MAGI2: variants seen among roughly 807,000 people sequenced by gnomAD.
The protein encoded by MAGI2 is membrane associated guanylate kinase, WW and PDZ domain containing 2.
A neutral mutation model predicts 133.3 loss-of-function variants in MAGI2; 35 were observed. That is an observed-to-expected ratio of 0.26 (90% CI 0.20 to 0.35). The LOEUF is 0.35. Among genes scored for constraint, MAGI2 ranks in the 10% least tolerant of loss-of-function variants. The pLI is 1.00. For missense variants in MAGI2, 1,636 were observed against 1,863.4 expected (o/e 0.88, Z 2.25); for synonymous variants, 729 against 710.6 (o/e 1.03, Z -0.41).
At chr7:78,712,276 C>T (rs941837131) in intron 2 of MAGI2, among the ~76,000 whole-genome samples, 3 of 152,172 alleles carry the variant, frequency 2.0e-5, no homozygotes, top group African/African-American at 7.2e-5. Flanking sequence ...AAAGTTTGTT[C>T]TGTCTGACTC....
Position 78,345,888 on chromosome 7 carries a change from C to T in MAGI2, c.1225+34G>A, listed in dbSNP as rs1216989624. On this transcript the variant is annotated intron_variant, in intron 8 of 21. Coordinates refer to ENST00000354212, the MANE Select transcript of MAGI2 (RefSeq NM_012301.4). ...GCAGGCAGTTTGACAGACAATTTTCCCTTTGAAACATCACATGCTGACAGG... is the reference window on the plus strand; with the variant it reads ...GCAGGCAGTTTGACAGACAATTTTCTCTTTGAAACATCACATGCTGACAGG... The T allele has an allele frequency of 4.4e-6, 7 of 1,605,860 alleles. No individual in the cohort carries two copies. The South Asian group carries it at 4.5e-5, about 10-fold the overall frequency.
At chr7:79,052,618 T>A (rs1412711610) in intron 1 of MAGI2, among the ~76,000 whole-genome samples, 1 of 152,158 alleles carries the variant, frequency 6.6e-6, no homozygotes, top group Non-Finnish European at 1.5e-5. Flanking sequence ...AAAACTATGA[T>A]TCCGTGTGTT....
At position 78,135,040 on chromosome 7, in the gene MAGI2, A is replaced by G. The variant is rs754558316; in HGVS notation, c.3012T>C (p.Leu1004=). Residue 1004 remains leucine (L), a synonymous_variant, in exon 17 of 22, where the codon CTT becomes CTC. Coordinates refer to ENST00000354212, the MANE Select transcript of MAGI2 (RefSeq NM_012301.4). ...ACTCACCCTCCTGAGGAATGATGCG[A>G]AGGGTGACACTAAGACCTGCATCCT... The part of the protein sequence containing the change: ...LIKDAGLSVT[L]RIIPQEELNS... 1 of 1,614,070 alleles carries G rather than the reference A, an allele frequency of 6.2e-7. No individual in the cohort carries two copies. Among genetic ancestry groups the G allele is most frequent in the Non-Finnish European group, 8.5e-7 (1 of 1,179,996 alleles).
At chr7:79,432,799 T>C (rs547317754) in intron 1 of MAGI2, among the ~76,000 whole-genome samples, 1 of 152,290 alleles carries the variant, frequency 6.6e-6, no homozygotes, top group South Asian at 2.1e-4. Context: ...ATGATAAAGG[T>C]GGAGTGTCTT....
At chr7:79,018,352 G>A (rs183680675) in intron 1 of MAGI2, among the ~76,000 whole-genome samples, 110 of 152,258 alleles carry the variant, frequency 7.2e-4, no homozygotes, top group African/African-American at 2.4e-3. Context: ...AACGCTAAGG[G>A]AATTCATTAC....
rs1412574896 is a variant in MAGI2, at chr7:79,204,296, TGGGTC to T, written c.302-197095_302-197091del. On this transcript the variant is annotated intron_variant, in intron 1 of 21. Transcript: ENST00000354212. ...TAAACTCAAACTATGACCTGCACCATGGGTCAGTGGATGTTAGTGGCCCTGGGCTC... is the reference window on the plus strand; with the variant it reads ...TAAACTCAAACTATGACCTGCACCATAGTGGATGTTAGTGGCCCTGGGCTC... Among the ~76,000 whole-genome samples the T allele has an allele frequency of 1.4e-3, 208 of 152,188 alleles. 1 individual carries two copies. The highest frequency in any genetic ancestry group is 4.8e-3 in the African/African-American group (200 of 41,462).
At chr7:78,683,948 A>T (rs1815981335) in intron 2 of MAGI2, among the ~76,000 whole-genome samples, 1 of 152,188 alleles carries the variant, frequency 6.6e-6, no homozygotes, top group African/African-American at 2.4e-5. Flanking sequence ...AAACTTACAG[A>T]TAATTTTAAA....
intron 20 of MAGI2, among the ~76,000 whole-genome samples, chr7:78,109,909 A>G (rs1014473476): frequency 6.6e-6 from 1 of 152,166 alleles, no homozygotes; most frequent in Non-Finnish European, 1.5e-5. Flanking sequence ...GACCTGACTT[A>G]TATTTCCTAA....
intron 1 of MAGI2, among the ~76,000 whole-genome samples, chr7:79,039,243 T>C (rs1156400993): frequency 6.6e-6 from 1 of 152,142 alleles, no homozygotes; most frequent in African/African-American, 2.4e-5. Context: ...GTGAAGGACA[T>C]GTTTGCTCCC....
At chr7:78,168,705 T>C (rs947439101) in intron 14 of MAGI2, among the ~76,000 whole-genome samples, 1 of 152,230 alleles carries the variant, frequency 6.6e-6, no homozygotes, top group Non-Finnish European at 1.5e-5. Context: ...AAATAACTCA[T>C]GTGAAGCATT....
intron 4 of MAGI2, among the ~76,000 whole-genome samples, chr7:78,517,218 A>G (rs976474705): frequency 7.2e-6 from 1 of 137,988 alleles, no homozygotes; most frequent in African/African-American, 2.5e-5. Context: ...ACATCGGTTC[A>G]AAAACAATCT....
intron 2 of MAGI2, among the ~76,000 whole-genome samples, chr7:78,943,703 A>C (rs1801172778): frequency 6.6e-6 from 1 of 152,190 alleles, no homozygotes; most frequent in African/African-American, 2.4e-5. Flanking sequence ...CATACTATAA[A>C]GGAATGATTT....
At chr7:78,620,443 C>T (rs1389308660) in intron 3 of MAGI2, among the ~76,000 whole-genome samples, 2 of 151,916 alleles carry the variant, frequency 1.3e-5, no homozygotes, top group Non-Finnish European at 2.9e-5. Flanking sequence ...GCTTAATTGC[C>T]TAGAAAATTA....
At chr7:78,688,702 T>G (rs1336180880) in intron 2 of MAGI2, among the ~76,000 whole-genome samples, 1 of 152,098 alleles carries the variant, frequency 6.6e-6, no homozygotes, top group Non-Finnish European at 1.5e-5. Context: ...TCCTTTGAAG[T>G]GAGAGGTGAA....
intron 5 of MAGI2, among the ~76,000 whole-genome samples, chr7:78,495,209 C>G (rs1478800812): frequency 6.6e-6 from 1 of 152,042 alleles, no homozygotes; most frequent in African/African-American, 2.4e-5. Flanking sequence ...GTTTGCTGCA[C>G]CCACCAACCT....
intron 6 of MAGI2, among the ~76,000 whole-genome samples, chr7:78,462,020 G>C (rs971005131): frequency 6.0e-5 from 9 of 149,272 alleles, no homozygotes; most frequent in Non-Finnish European, 1.2e-4. Flanking sequence ...GTTTGAACCT[G>C]ATTTTCAAGC....
chr7:79,255,834 A>T (rs1833643041), intron 1 of MAGI2, among the ~76,000 whole-genome samples: 1 of 152,208 alleles, frequency 6.6e-6, no homozygotes, highest in Non-Finnish European at 1.5e-5. Flanking sequence ...CTGAAAAAAA[A>T]ATACTCATTA....
At chr7:79,042,027 C>T (rs1404089156) in intron 1 of MAGI2, among the ~76,000 whole-genome samples, 6 of 151,836 alleles carry the variant, frequency 4.0e-5, no homozygotes, top group Admixed American at 6.6e-5. Flanking sequence ...TTTTGCTCTT[C>T]GAGAGATAAA....
chr7:79,320,776 C>T (rs918905253), intron 1 of MAGI2, among the ~76,000 whole-genome samples: 36 of 152,040 alleles, frequency 2.4e-4, no homozygotes, highest in African/African-American at 8.0e-4. Context: ...ATGTTGATGA[C>T]TTCTTACACA....
Sources: gnomAD v4.1 joint callset for allele counts (sites outside exome capture counted in the v4.1 genomes callset) on GRCh38, gnomAD v4.1.1 for gene constraint, MANE v1.5 for transcripts, NCBI Gene and HGNC (gene_info 2026-07-23, HGNC 2026-07-21) for gene names.